The following CYRIB variants were observed in gnomAD, a reference collection of about 807,000 sequenced individuals.
The protein encoded by CYRIB is CYFIP related Rac1 interactor B.
CYRIB carries 8 observed loss-of-function variants against 44.2 expected under a neutral mutation model. The ratio of observed to expected loss-of-function variants is 0.18; its 90% CI spans 0.11 to 0.33. The LOEUF (loss-of-function observed/expected upper bound fraction) is 0.33. Ranked by LOEUF, CYRIB falls within the 10% of genes least tolerant of loss-of-function variation. The pLI is 1.00. For missense variants in CYRIB, 185 were observed against 382.8 expected (o/e 0.48, Z 4.31); for synonymous variants, 131 against 127.2 (o/e 1.03, Z -0.20).
chr8:129,855,748 C>A lies in CYRIB; in HGVS notation c.302-1G>T. The A allele has an allele frequency of 6.3e-7, 1 of 1,589,084 alleles. No homozygotes were observed. Among genetic ancestry groups the A allele is most frequent in the Non-Finnish European group, 8.5e-7 (1 of 1,170,132 alleles). ...CCCAGAAGACCTCTTAATGCTGCTT[C>A]TAAAGAAAAAAATTGAAAAAAACAT... On this transcript the variant is annotated splice_acceptor_variant, in intron 5 of 11. Coordinates refer to ENST00000519824, the Ensembl canonical transcript of CYRIB. LOFTEE classifies it high-confidence loss of function.
chr8:129,986,696 C>A (rs191845676), intron 1 of CYRIB, among the ~76,000 whole-genome samples: 53 of 152,314 alleles, frequency 3.5e-4, no homozygotes, highest in Non-Finnish European at 5.4e-4. Flanking sequence ...AAGGCCCTCA[C>A]CAGATGCAGC....
chr8:129,892,194 G>A (rs914148556), intron 2 of CYRIB, among the ~76,000 whole-genome samples: 1 of 152,078 alleles, frequency 6.6e-6, no homozygotes, highest in African/African-American at 2.4e-5. Context: ...GTATGAGAAG[G>A]GCTAGTACAA....
At chr8:129,864,761 G>T (rs2132553914) in intron 4 of CYRIB, 2 of 388,364 alleles carry the variant, frequency 5.1e-6, no homozygotes, top group South Asian at 4.2e-5. Flanking sequence ...TCGGTACATT[G>T]CTAAGGAGTG....
At chr8:129,867,475 A>G (rs983564596) in intron 4 of CYRIB, among the ~76,000 whole-genome samples, 2 of 151,932 alleles carry the variant, frequency 1.3e-5, no homozygotes, top group Non-Finnish European at 2.9e-5. Context: ...TTAGGGACAT[A>G]TTACATTAAT....
intron 2 of CYRIB, among the ~76,000 whole-genome samples, chr8:129,883,404 C>T (rs1397410905): frequency 4.6e-5 from 7 of 152,090 alleles, no homozygotes; most frequent in South Asian, 2.1e-4. Flanking sequence ...CGCAAAAATT[C>T]GCTCTACCAC....
chr8:129,851,230 G>A, intron 8 of CYRIB: 1 of 262,480 alleles, frequency 3.8e-6, no homozygotes, highest in Non-Finnish European at 7.3e-6. Flanking sequence ...TTATCCTAAG[G>A]GTACTAGGAA....
chr8:129,844,441 T>A (rs368827356), intron 11 of CYRIB: 1 of 152,102 alleles, frequency 6.6e-6, no homozygotes, highest in Non-Finnish European at 1.5e-5. Context: ...CAAAAACAAA[T>A]TTTTTTTCCA....
intron 5 of CYRIB, among the ~76,000 whole-genome samples, chr8:129,856,071 T>TCA (rs956614217): frequency 2.6e-5 from 4 of 152,250 alleles, no homozygotes; most frequent in Non-Finnish European, 5.9e-5. Flanking sequence ...TTTAATCACT[T>TCA]CACACAGTGT....
At chr8:129,993,361 C>G (rs958634542) in intron 1 of CYRIB, among the ~76,000 whole-genome samples, 4 of 151,220 alleles carry the variant, frequency 2.6e-5, no homozygotes, top group Non-Finnish European at 4.4e-5. Context: ...CCACTACACT[C>G]CAGCCTGGGT....
intron 1 of CYRIB, among the ~76,000 whole-genome samples, chr8:129,920,652 T>C (rs1055250800): frequency 1.3e-5 from 2 of 152,154 alleles, no homozygotes; most frequent in African/African-American, 4.8e-5. Flanking sequence ...ATAAATAAAA[T>C]TTGATTTTAA....
intron 1 of CYRIB, among the ~76,000 whole-genome samples, chr8:129,993,245 T>A (rs1247524468): frequency 6.7e-6 from 1 of 150,156 alleles, no homozygotes; most frequent in Non-Finnish European, 1.5e-5. Context: ...TAAAAAAAAT[T>A]AGCTAGGTGT....
intron 1 of CYRIB, among the ~76,000 whole-genome samples, chr8:129,996,281 C>T (rs941393762): frequency 6.6e-6 from 1 of 152,168 alleles, no homozygotes; most frequent in Admixed American, 6.6e-5. Flanking sequence ...ACCTCACACC[C>T]CACAGGCCAC....
chr8:129,966,056 C>T (rs780248907), intron 2 of CYRIB, among the ~76,000 whole-genome samples: 4 of 152,044 alleles, frequency 2.6e-5, no homozygotes, highest in Admixed American at 1.3e-4. Context: ...ACAGTTTCTA[C>T]CATGTTGGTC....
chr8:129,958,373 G>A (rs1021826997), intron 2 of CYRIB, among the ~76,000 whole-genome samples: 3 of 152,110 alleles, frequency 2.0e-5, no homozygotes, highest in South Asian at 2.1e-4. Flanking sequence ...CGGATGTTAC[G>A]TCTCTGCAGA....
upstream of CYRIB, among the ~76,000 whole-genome samples, chr8:129,943,820 C>T (rs2093932108): frequency 6.7e-6 from 1 of 149,190 alleles, no homozygotes; most frequent in African/African-American, 2.5e-5. Flanking sequence ...AGGATGGTCT[C>T]GATCTCCTGA....
chr8:129,871,492 G>A, exon 4 of CYRIB: 3 of 1,606,498 alleles, frequency 1.9e-6, no homozygotes, highest in South Asian at 1.1e-5. Context: ...CTGTAGGCTG[G>A]GCATCTAAAC....
exon 4 of CYRIB, chr8:129,871,426 G>A: frequency 3.1e-6 from 5 of 1,611,480 alleles, no homozygotes; most frequent in Non-Finnish European, 4.2e-6. Flanking sequence ...CCTCCAAGAT[G>A]CCTTCTGCAT....
intron 1 of CYRIB, among the ~76,000 whole-genome samples, chr8:129,979,461 T>C (rs973493396): frequency 6.6e-6 from 1 of 152,118 alleles, no homozygotes; most frequent in Admixed American, 6.6e-5. Flanking sequence ...ACCTTTTAGG[T>C]TGAACCACTA....
Position 130,005,838 on chromosome 8 carries a change from G to C in CYRIB, c.-296+10532C>G, listed in dbSNP as rs533699174. Among the ~76,000 whole-genome samples the C allele has an allele frequency of 2.7e-4, 40 of 150,906 alleles. No individual in the cohort carries two copies. The South Asian group carries it at 6.9e-3, about 26-fold the overall frequency. ...TAAAAAAAAAAAAAAAAATGTAAAG[G>C]CTGGAAAAGATGGGACTAGGTGATC... is the stretch of plus-strand genomic sequence containing the variant. On this transcript the variant is annotated intron_variant, in intron 1 of 14. Transcript: ENST00000401979.
Sources: gnomAD v4.1 joint callset for allele counts (sites outside exome capture counted in the v4.1 genomes callset) on GRCh38, gnomAD v4.1.1 for gene constraint, MANE v1.5 for transcripts, NCBI Gene and HGNC (gene_info 2026-07-23, HGNC 2026-07-21) for gene names.